Variants in ABTB3 observed in about 807,000 individuals in gnomAD.
The protein encoded by ABTB3 is ankyrin repeat and BTB domain containing 3.
chr12:107,348,114 A>G, the ABTB3 span, among the ~76,000 whole-genome samples: 1 of 152,054 alleles, frequency 6.6e-6, no homozygotes, highest in South Asian at 2.1e-4. Context: ...GTCCTCATGA[A>G]GGCCTTACTC....
At chr12:107,452,704 G>A in the ABTB3 span, among the ~76,000 whole-genome samples, 1 of 152,098 alleles carries the variant, frequency 6.6e-6, no homozygotes, top group African/African-American at 2.4e-5. Context: ...TAGTCAGCGT[G>A]GTGGCAGGCA....
At chr12:107,392,099 G>A in the ABTB3 span, among the ~76,000 whole-genome samples, 1 of 152,196 alleles carries the variant, frequency 6.6e-6, no homozygotes, top group African/African-American at 2.4e-5. Flanking sequence ...GTGAGTGAAT[G>A]GTTGCTGTCC....
chr12:107,542,873 C>G, the ABTB3 span, among the ~76,000 whole-genome samples: 2 of 152,094 alleles, frequency 1.3e-5, no homozygotes, highest in Non-Finnish European at 1.5e-5. Context: ...GGTCATCATC[C>G]TTGTCATCTT....
chr12:107,369,773 T>G, the ABTB3 span, among the ~76,000 whole-genome samples: 3 of 150,104 alleles, frequency 2.0e-5, no homozygotes, highest in Admixed American at 1.3e-4. Context: ...TGCACCTTAT[T>G]GTTCAAGAAA....
the ABTB3 span, among the ~76,000 whole-genome samples, chr12:107,509,213 C>G: frequency 6.6e-6 from 1 of 152,082 alleles, no homozygotes; most frequent in Non-Finnish European, 1.5e-5. Context: ...AAAGGCTGAC[C>G]CCTGGGAGAG....
At chr12:107,587,241 G>A in the ABTB3 span, among the ~76,000 whole-genome samples, 3 of 152,206 alleles carry the variant, frequency 2.0e-5, no homozygotes, top group Non-Finnish European at 2.9e-5. Context: ...AGGAGCTGTC[G>A]CAGATTTGTA....
the ABTB3 span, among the ~76,000 whole-genome samples, chr12:107,427,408 A>C: frequency 6.6e-6 from 1 of 152,140 alleles, no homozygotes; most frequent in South Asian, 2.1e-4. Flanking sequence ...CAACCTCCCG[A>C]GTAGTTGGGA....
At chr12:107,631,882 T>C in the ABTB3 span, among the ~76,000 whole-genome samples, 1 of 152,328 alleles carries the variant, frequency 6.6e-6, no homozygotes, top group Middle Eastern at 3.4e-3. Flanking sequence ...GTCGAGTTTC[T>C]CTACTGTAAA....
the ABTB3 span, among the ~76,000 whole-genome samples, chr12:107,501,553 A>G: frequency 1.9e-3 from 291 of 152,212 alleles, 3 homozygotes; most frequent in African/African-American, 6.8e-3. Context: ...TACAAAAATT[A>G]GCCCAGTGTG....
the ABTB3 span, among the ~76,000 whole-genome samples, chr12:107,403,074 CAA>C: frequency 5.9e-5 from 9 of 152,296 alleles, no homozygotes; most frequent in Admixed American, 3.9e-4. Context: ...GCCTCGGACC[CAA>C]GTCATTCATT....
the ABTB3 span, among the ~76,000 whole-genome samples, chr12:107,531,315 A>T: frequency 3.9e-5 from 6 of 152,226 alleles, no homozygotes; most frequent in Admixed American, 3.9e-4. Flanking sequence ...AATTGAAATG[A>T]TATTAATACA....
At chr12:107,472,197 C>T in the ABTB3 span, among the ~76,000 whole-genome samples, 7 of 152,304 alleles carry the variant, frequency 4.6e-5, no homozygotes, top group East Asian at 1.4e-3. Context: ...GGAGAAGTTC[C>T]AGAGCAAGGC....
chr12:107,611,007 C>T, the ABTB3 span, among the ~76,000 whole-genome samples: 13 of 152,152 alleles, frequency 8.5e-5, no homozygotes, highest in Non-Finnish European at 4.4e-5. Flanking sequence ...GCAGCTCATG[C>T]AGTGAGTTCC....
the ABTB3 span, among the ~76,000 whole-genome samples, chr12:107,550,667 G>A: frequency 5.1e-3 from 762 of 148,624 alleles, 8 homozygotes; most frequent in African/African-American, 0.017. Context: ...TGCAACCTCC[G>A]CCTTCCAGGT....
the ABTB3 span, among the ~76,000 whole-genome samples, chr12:107,481,767 TG>T: frequency 1.3e-5 from 2 of 152,164 alleles, no homozygotes; most frequent in African/African-American, 4.8e-5. Flanking sequence ...GTCTTGTCTC[TG>T]GCCACTTCTT....
At chr12:107,446,335 C>T in the ABTB3 span, among the ~76,000 whole-genome samples, 1 of 152,008 alleles carries the variant, frequency 6.6e-6, no homozygotes, top group African/African-American at 2.4e-5. Context: ...TGTCTTTACT[C>T]GAATGGCATG....
chr12:107,388,850 AATG>A, the ABTB3 span, among the ~76,000 whole-genome samples: 5 of 152,240 alleles, frequency 3.3e-5, no homozygotes, highest in African/African-American at 1.2e-4. Context: ...TCAAGTTGTT[AATG>A]ATGATGATGG....
chr12:107,407,605 G>A, the ABTB3 span, among the ~76,000 whole-genome samples: 1 of 152,202 alleles, frequency 6.6e-6, no homozygotes, highest in Non-Finnish European at 1.5e-5. Context: ...CATTCTGTTG[G>A]TAATCAGAAA....
the ABTB3 span, among the ~76,000 whole-genome samples, chr12:107,354,380 A>G: frequency 6.6e-6 from 1 of 151,196 alleles, no homozygotes; most frequent in Non-Finnish European, 1.5e-5. Flanking sequence ...TAGCAGTCAT[A>G]CTCCCCCAAT....
Sources: gnomAD v4.1 joint callset for allele counts (sites outside exome capture counted in the v4.1 genomes callset) on GRCh38, gnomAD v4.1.1 for gene constraint, MANE v1.5 for transcripts, NCBI Gene and HGNC (gene_info 2026-07-23, HGNC 2026-07-21) for gene names.